Variants in SYNGR1 observed in about 807,000 individuals in gnomAD.
SYNGR1 encodes the protein synaptogyrin-1.
SYNGR1 carries 14 observed loss-of-function variants against 26.1 expected under a neutral mutation model. The observed-to-expected ratio is 0.54, with a 90% CI of 0.35 to 0.84. The LOEUF is 0.84. SYNGR1 is among the 40% of genes least tolerant of loss of function. The probability of loss-of-function intolerance (pLI) is 0.01; values close to 1 mark genes in which losing one functional copy is unlikely to be tolerated. For missense variants in SYNGR1, 319 were observed against 332.9 expected (o/e 0.96, Z 0.33); for synonymous variants, 141 against 150.1 (o/e 0.94, Z 0.44).
chr22:39,352,183 G>A (rs1923933523), intron 1 of SYNGR1, among the ~76,000 whole-genome samples: 1 of 152,146 alleles, frequency 6.6e-6, no homozygotes, highest in Admixed American at 6.5e-5. Context: ...TGGAATGTCA[G>A]GATTGGAAAG....
chr22:39,375,765 A>G (rs1925249943), intron 2 of SYNGR1: 2 of 603,186 alleles, frequency 3.3e-6, no homozygotes, highest in East Asian at 2.8e-5. Context: ...CTCTCCCTCC[A>G]TCCTCCCCTC....
intron 2 of SYNGR1, 46 bp downstream of exon 2, chr22:39,374,599 GC>G: frequency 6.3e-7 from 1 of 1,595,840 alleles, no homozygotes; most frequent in Non-Finnish European, 8.6e-7. Flanking sequence ...TCTACAGAGG[GC>G]TGTCCCGGCC....
At chr22:39,378,267 G>C (rs760039456) in intron 3 of SYNGR1, 12 of 996,810 alleles carry the variant, frequency 1.2e-5, no homozygotes, top group Non-Finnish European at 1.4e-5. Flanking sequence ...CCACTTACCT[G>C]AACTGAGGGG....
Position 39,358,599 on chromosome 22 carries a change from C to T in SYNGR1, c.99+8490C>T, listed in dbSNP as rs895566405. On this transcript the variant is annotated intron_variant, in intron 1 of 3. Coordinates refer to ENST00000328933, the MANE Select transcript of SYNGR1 (RefSeq NM_004711.5). The stretch of plus-strand genomic sequence containing the variant: ...GCATTAAGAGCTGTAACACTCACCG[C>T]GAAGGTCTGTAGCTTCACTCCTGAG... 3.3e-4 allele frequency among the ~76,000 whole-genome samples: 50 copies of T among 152,076 alleles called. No homozygotes were observed. The Middle Eastern group carries it at 0.01, about 31-fold the overall frequency.
Position 39,376,207 on chromosome 22 carries a change from G to C in SYNGR1, c.483+10G>C, listed in dbSNP as rs375807050. On this transcript the variant is annotated intron_variant, in intron 3 of 3. Coordinates refer to ENST00000328933, the MANE Select transcript of SYNGR1 (RefSeq NM_004711.5). ...CTCCATCTTCACCTGGGTGAGTACA[G>C]CCACCGCGCACCAGCCCACACTCGT... 3 of 1,613,876 alleles carry C rather than the reference G, an allele frequency of 1.9e-6. No individual in the cohort carries two copies. Among genetic ancestry groups the C allele is most frequent in the Non-Finnish European group, 2.5e-6 (3 of 1,180,042 alleles).
At chr22:39,374,188 C>A in intron 1 of SYNGR1, 128 bp from the exon 2 acceptor site, 1 of 806,346 alleles carries the variant, frequency 1.2e-6, no homozygotes, top group Non-Finnish European at 2.1e-6. Flanking sequence ...CTCTGAAATG[C>A]CTGCTTAACC....
chr22:39,374,743 A>G (rs765460227), intron 2 of SYNGR1, 190 bp downstream of exon 2: 18 of 649,590 alleles, frequency 2.8e-5, no homozygotes, highest in Non-Finnish European at 4.8e-5. Context: ...TGGGACCCCA[A>G]AATAACCCAT....
chr22:39,350,128 A>G lies in SYNGR1; in HGVS notation c.99+19A>G, dbSNP rs1923828344. Reference sequence around the variant, plus strand: ...GTCTTGGGTAAGGACGGACTGGCCGACGGCTCTGCCAGGCCGGGGTGGTGG... The same window carrying G: ...GTCTTGGGTAAGGACGGACTGGCCGGCGGCTCTGCCAGGCCGGGGTGGTGG... On this transcript the variant is annotated intron_variant, in intron 1 of 3. Coordinates refer to ENST00000328933, the MANE Select transcript of SYNGR1 (RefSeq NM_004711.5). This position sits in a 1 kb window ranked among gnomAD's most constrained non-coding sequence, Gnocchi z 4.3. 1 of 1,406,552 alleles carries G rather than the reference A, an allele frequency of 7.1e-7. No homozygotes were observed. Among genetic ancestry groups the G allele is most frequent in the Non-Finnish European group, 9.4e-7 (1 of 1,062,044 alleles). 87.1% of individuals were successfully genotyped at this position (1,406,552 alleles called of 1,614,324 possible). A position where few individuals can be genotyped will look rare whatever the true frequency, so the allele number is the denominator to read the frequency against.
intron 1 of SYNGR1, among the ~76,000 whole-genome samples, chr22:39,362,767 G>T (rs904051512): frequency 5.3e-5 from 8 of 152,084 alleles, no homozygotes; most frequent in Non-Finnish European, 1.2e-4. Flanking sequence ...GCACAGGGGT[G>T]TGCAAGCGGA....
At chr22:39,364,448 T>C (rs1396085460) in intron 1 of SYNGR1, 7 of 1,310,278 alleles carry the variant, frequency 5.3e-6, no homozygotes, top group Non-Finnish European at 6.3e-6. Context: ...AGGTGCCTTC[T>C]TCCATTGGCA....
chr22:39,369,631 C>T (rs1162895640), intron 1 of SYNGR1, among the ~76,000 whole-genome samples: 1 of 152,252 alleles, frequency 6.6e-6, no homozygotes, highest in Non-Finnish European at 1.5e-5. Context: ...TCAACTTCAG[C>T]CTGTGCTGCT....
intron 1 of SYNGR1, among the ~76,000 whole-genome samples, chr22:39,362,557 G>A (rs1034654833): frequency 2.6e-5 from 4 of 152,180 alleles, no homozygotes; most frequent in Non-Finnish European, 5.9e-5. Context: ...TTGACCCTGG[G>A]GGAAGACAAG....
intron 3 of SYNGR1, among the ~76,000 whole-genome samples, chr22:39,376,536 A>G (rs996247492): frequency 1.3e-5 from 2 of 152,140 alleles, no homozygotes; most frequent in African/African-American, 2.4e-5. Context: ...AGAGGCCTAG[A>G]CAGGAAGGTG....
chr22:39,361,910 G>A (rs1924491265), intron 1 of SYNGR1, among the ~76,000 whole-genome samples: 1 of 151,988 alleles, frequency 6.6e-6, no homozygotes, highest in South Asian at 2.1e-4. Context: ...CCCTGGGGGG[G>A]TACAGGATTA....
At chr22:39,363,641 T>C (rs1278875934) in intron 1 of SYNGR1, among the ~76,000 whole-genome samples, 4 of 152,050 alleles carry the variant, frequency 2.6e-5, no homozygotes, top group African/African-American at 9.7e-5. Context: ...GGACTTTATC[T>C]TCAGCCAGCG....
chr22:39,383,724 TG>T lies in SYNGR1; in HGVS notation c.*1812del, dbSNP rs1418555190. 2.0e-5 allele frequency: 3 copies of T among 152,262 alleles called. No individual in the cohort carries two copies. The highest frequency in any genetic ancestry group is 7.2e-5 in the African/African-American group (3 of 41,422). The allele number at this position is 152,262 out of a possible 1,614,324, so 9.4% of individuals were successfully genotyped here. On this transcript the variant is annotated 3_prime_UTR_variant, in exon 4 of 4. Transcript: ENST00000328933. ...GTGCTGGAGATACCAAGGGCATGGG[TG>T]GTCCCTGCTTCGATGGCCCCAAAGC...
chr22:39,364,097 C>T (rs1924619020), intron 1 of SYNGR1: 2 of 1,594,318 alleles, frequency 1.3e-6, no homozygotes, highest in Admixed American at 1.7e-5. Flanking sequence ...GGTCTGTCTG[C>T]AGAGGGGAGA....
chr22:39,355,933 C>T (rs561732101), intron 1 of SYNGR1, among the ~76,000 whole-genome samples: 4 of 152,254 alleles, frequency 2.6e-5, no homozygotes, highest in South Asian at 2.1e-4. Context: ...GCATGAGTAT[C>T]GCTTAAGCCC....
At chr22:39,375,837 C>G (rs2281112) in intron 2 of SYNGR1, 57 of 673,408 alleles carry the variant, frequency 8.5e-5, no homozygotes, top group East Asian at 6.7e-4. Flanking sequence ...CCTCCTCCCC[C>G]CTGCATCTGG....
Sources: allele counts gnomAD v4.1 joint callset (sites outside exome capture counted in the v4.1 genomes callset), GRCh38; gene constraint gnomAD v4.1.1; non-coding constraint Gnocchi (gnomAD v3.1); transcripts MANE v1.5; gene names NCBI Gene and HGNC (gene_info 2026-07-23, HGNC 2026-07-21).